Variants in STAT4 observed in about 807,000 individuals in gnomAD.
STAT4 encodes the protein signal transducer and activator of transcription 4.
In STAT4, 42 loss-of-function variants were observed where a neutral mutation model predicts 110.5. That is an observed-to-expected ratio of 0.38 (90% CI 0.30 to 0.49). STAT4 has a LOEUF of 0.49. STAT4 is among the 20% of genes least tolerant of loss of function. STAT4 has a pLI of 0.95. For synonymous variants in STAT4, 284 were observed against 302.2 expected (o/e 0.94, Z 0.63); for missense variants, 632 against 887.9 (o/e 0.71, Z 3.66).
Position 191,073,186 on chromosome 2 carries a change from G to A in STAT4, c.377C>T (p.Pro126Leu). ...AGAACTTTGTAAGGATTTCTCTAGA[G>A]GCCCCTGGAAAAAGAATGTCTTGAA... ...LAAANMPVQG[P>L]LEKSLQSSSV... Residue 126 changes from proline (P) to leucine (L), a missense_variant, in exon 5 of 24, where the codon CCT (proline) becomes CTT (leucine). By Grantham distance (98) the Pro-to-Leu change is moderately conservative. Coordinates refer to ENST00000392320, the MANE Select transcript of STAT4 (RefSeq NM_003151.4). 1.9e-6 allele frequency: 3 copies of A among 1,613,666 alleles called. No individual in the cohort carries two copies. The highest frequency in any genetic ancestry group is 2.5e-6 in the Non-Finnish European group (3 of 1,179,766).
chr2:191,031,409 C>A lies in STAT4; in HGVS notation c.2111+41G>T, dbSNP rs3024899. The A allele has an allele frequency of 4.9e-3, 7,828 of 1,590,694 alleles. 41 individuals carry two copies. The highest frequency in any genetic ancestry group is 9.2e-3 in the South Asian group (816 of 88,354). On this transcript the variant is annotated intron_variant, in intron 22 of 23. Coordinates refer to ENST00000392320, the MANE Select transcript of STAT4 (RefSeq NM_003151.4). This position sits in a 1 kb window ranked among gnomAD's most constrained non-coding sequence, Gnocchi z 4.8. The stretch of plus-strand genomic sequence containing the variant: ...TACCTTTAAATCTCCTATAGGAAAG[C>A]TTTTTATAAAAATATTTCACATGTG...
chr2:191,057,997 T>A lies in STAT4; in HGVS notation c.1206+21A>T, dbSNP rs779226600. 3.7e-6 allele frequency: 6 copies of A among 1,601,292 alleles called. No homozygotes were observed. In the African/African-American group the frequency reaches 6.7e-5, roughly 18 times the overall value. Reference sequence around the variant, plus strand: ...GATTTTGGGGAAAAAAAAGCCTGTTTAACTTTACTGCCAAACTTACCAAAT... The same window carrying A: ...GATTTTGGGGAAAAAAAAGCCTGTTAAACTTTACTGCCAAACTTACCAAAT... On this transcript the variant is annotated intron_variant, in intron 13 of 23. Transcript: ENST00000392320.
At chr2:191,067,335 G>C (rs933227402) in intron 6 of STAT4, among the ~76,000 whole-genome samples, 3 of 151,924 alleles carry the variant, frequency 2.0e-5, no homozygotes, top group Non-Finnish European at 4.4e-5. Context: ...TGAAGTGCTC[G>C]GAAGCTCCCT....
chr2:191,058,825 A>C lies in STAT4; in HGVS notation c.1035-56T>G. The C allele has an allele frequency of 9.7e-7, 1 of 1,026,074 alleles. No homozygotes were observed. Among genetic ancestry groups the C allele is most frequent in the Non-Finnish European group, 1.5e-6 (1 of 687,212 alleles). The allele number at this position is 1,026,074 out of a possible 1,614,324, so 63.6% of individuals were successfully genotyped here. On this transcript the variant is annotated intron_variant, in intron 10 of 23. Transcript: ENST00000392320. The surrounding 1 kb of genome is among the most constrained non-coding windows in gnomAD (Gnocchi z 4.3). ...AGATAAAAATTAAAAGTGTTTAAAAACCCTTTTTTATATTTAAACATTTAA... is the reference window on the plus strand; with the variant it reads ...AGATAAAAATTAAAAGTGTTTAAAACCCCTTTTTTATATTTAAACATTTAA...
At position 191,030,642 on chromosome 2, in the gene STAT4, CTAAAG is replaced by C. The variant is rs1361358558; in HGVS notation, c.2220+325_2220+329del. 4.8e-6 allele frequency: 1 copy of C among 209,624 alleles called. No homozygotes were observed. Among genetic ancestry groups the C allele is most frequent in the East Asian group, 1.2e-4 (1 of 8,446 alleles). 13.0% of individuals were successfully genotyped at this position (209,624 alleles called of 1,614,324 possible). Reference sequence around the variant, plus strand: ...AATATTGACCAATAAATGGTGTTTGCTAAAGTAGAGAGTGGTGGGGAGTGAGGGGG... The same window carrying C: ...AATATTGACCAATAAATGGTGTTTGCTAGAGAGTGGTGGGGAGTGAGGGGG... On this transcript the variant is annotated intron_variant, in intron 23 of 23. Transcript: ENST00000392320. This position sits in a 1 kb window ranked among gnomAD's most constrained non-coding sequence, Gnocchi z 4.4.
At position 191,086,126 on chromosome 2, in the gene STAT4, C is replaced by T. The variant is rs1278551859; in HGVS notation, c.274-9801G>A. Among the ~76,000 whole-genome samples, 2 of 152,178 alleles carry T rather than the reference C, an allele frequency of 1.3e-5. No individual in the cohort carries two copies. The highest frequency in any genetic ancestry group is 3.9e-4 in the East Asian group (2 of 5,176). On this transcript the variant is annotated intron_variant, in intron 3 of 23. Transcript: ENST00000392320. The surrounding 1 kb of genome is among the most constrained non-coding windows in gnomAD (Gnocchi z 5.5). ...CACACTGAAGACACTGGCTATTTTA[C>T]CAAGTCTTTGGTTGCAACGATATTT...
chr2:191,151,175 G>A, upstream of STAT4: 1 of 985,580 alleles, frequency 1.0e-6, no homozygotes, highest in Non-Finnish European at 1.2e-6. This position sits in a 1 kb window ranked among gnomAD's most constrained non-coding sequence, Gnocchi z 4.7. Flanking sequence ...CTGCCAGGCT[G>A]GAGCCCCTTC....
rs537075184 is a variant in STAT4, at chr2:191,063,663, C to T, written c.783-743G>A. Among the ~76,000 whole-genome samples the T allele has an allele frequency of 6.6e-5, 10 of 152,298 alleles. No homozygotes were observed. The East Asian group carries it at 1.9e-3, about 29-fold the overall frequency. On this transcript the variant is annotated intron_variant, in intron 8 of 23. Transcript: ENST00000392320. ...AACTCTTTCTACTTTAAGTATTCCA[C>T]ATATAAGACTATGGCAAGAGTGGTT...
In STAT4 at chr2:191,031,482, A is replaced by T; in HGVS notation, c.2079T>A (p.Tyr693Ter). 6.2e-7 allele frequency: 1 copy of T among 1,613,612 alleles called. No individual in the cohort carries two copies. The part of the protein sequence containing the change: ...SRPTERGDKG[Y>*]VPSVFIPIST... The stretch of plus-strand genomic sequence containing the variant: ...AGATGGGGATAAAAACAGAAGGAAC[A>T]TAACCTTTGTCACCCCTTTCTGTTG... Residue 693 changes from tyrosine to a stop codon, truncating the protein, a stop_gained, in exon 22 of 24, where the codon TAT becomes TAA. Transcript: ENST00000392320. LOFTEE classifies it high-confidence loss of function. This position sits in a 1 kb window ranked among gnomAD's most constrained non-coding sequence, Gnocchi z 4.8.
At chr2:191,049,047 A>G (rs1696442231) in intron 14 of STAT4, among the ~76,000 whole-genome samples, 1 of 151,986 alleles carries the variant, frequency 6.6e-6, no homozygotes, top group African/African-American at 2.4e-5. Flanking sequence ...TCACTTGGAA[A>G]AAAAAAATAC....
intron 3 of STAT4, among the ~76,000 whole-genome samples, chr2:191,111,106 A>T (rs1698410311): frequency 6.6e-6 from 1 of 152,182 alleles, no homozygotes; most frequent in African/African-American, 2.4e-5. Flanking sequence ...TAAATATAAA[A>T]TTTCAAATGT....
In STAT4 at chr2:191,117,452, C is replaced by T. The variant is rs1396928293; in HGVS notation, c.273+29161G>A. ...TTGTCCTAAAATAATACTTCTACAACTCCCATTAGACTCTATCTTTATTAC... is the reference window on the plus strand; with the variant it reads ...TTGTCCTAAAATAATACTTCTACAATTCCCATTAGACTCTATCTTTATTAC... On this transcript the variant is annotated intron_variant, in intron 3 of 23. Coordinates refer to ENST00000392320, the MANE Select transcript of STAT4 (RefSeq NM_003151.4). This position sits in a 1 kb window ranked among gnomAD's most constrained non-coding sequence, Gnocchi z 5.2. Among the ~76,000 whole-genome samples the T allele has an allele frequency of 6.6e-6, 1 of 152,198 alleles. No homozygotes were observed. Among genetic ancestry groups the T allele is most frequent in the Non-Finnish European group, 1.5e-5 (1 of 68,034 alleles).
At chr2:191,092,368 C>T (rs1697824247) in intron 3 of STAT4, among the ~76,000 whole-genome samples, 1 of 152,122 alleles carries the variant, frequency 6.6e-6, no homozygotes, top group African/African-American at 2.4e-5. Context: ...CATGCCACTG[C>T]ACTCCAGCCT....
chr2:191,068,752 A>C (rs1262505254), intron 6 of STAT4, among the ~76,000 whole-genome samples: 1 of 152,156 alleles, frequency 6.6e-6, no homozygotes, highest in Non-Finnish European at 1.5e-5. Context: ...AATGATCAAA[A>C]CAAGTAAATT....
intron 3 of STAT4, among the ~76,000 whole-genome samples, chr2:191,134,756 C>G (rs1290236075): frequency 6.6e-6 from 1 of 151,892 alleles, no homozygotes; most frequent in Admixed American, 6.6e-5. Flanking sequence ...AGAATAAAAC[C>G]AGAAATCAAC....
chr2:191,093,793 G>A (rs1309914900), intron 3 of STAT4, among the ~76,000 whole-genome samples: 2 of 152,124 alleles, frequency 1.3e-5, no homozygotes, highest in Non-Finnish European at 2.9e-5. Context: ...AAACTTCTCC[G>A]AGCTAAAGGA....
intron 3 of STAT4, among the ~76,000 whole-genome samples, chr2:191,114,914 GT>G (rs1698532533): frequency 6.6e-6 from 1 of 152,168 alleles, no homozygotes; most frequent in South Asian, 2.1e-4. Flanking sequence ...AGACTTTTAT[GT>G]GTTGTCATTA....
intron 3 of STAT4, among the ~76,000 whole-genome samples, chr2:191,102,135 A>T (rs1037096377): frequency 2.6e-5 from 4 of 152,050 alleles, no homozygotes; most frequent in Non-Finnish European, 5.9e-5. Flanking sequence ...GAATTTTGGC[A>T]ATCAGACATT....
chr2:191,120,845 C>T (rs1249490461), intron 3 of STAT4, among the ~76,000 whole-genome samples: 2 of 152,158 alleles, frequency 1.3e-5, no homozygotes, highest in African/African-American at 2.4e-5. Context: ...CAATACCATT[C>T]AGGACATAGG....
Sources: allele counts gnomAD v4.1 joint callset (sites outside exome capture counted in the v4.1 genomes callset), GRCh38; gene constraint gnomAD v4.1.1; non-coding constraint Gnocchi (gnomAD v3.1); transcripts MANE v1.5; gene names NCBI Gene and HGNC (gene_info 2026-07-23, HGNC 2026-07-21).